CDH13: variants seen among roughly 807,000 people sequenced by gnomAD.
The protein encoded by CDH13 is cadherin 13.
CDH13 carries 24 observed loss-of-function variants against 63.8 expected under a neutral mutation model. The ratio of observed to expected loss-of-function variants is 0.38; its 90% CI spans 0.27 to 0.53. The LOEUF is 0.53. Ranked by LOEUF, CDH13 falls within the 20% of genes least tolerant of loss-of-function variation. The pLI, the probability that CDH13 is intolerant of heterozygous loss-of-function variation, is 0.85. For synonymous variants in CDH13, 503 were observed against 355.3 expected (o/e 1.42, Z -4.67); for missense variants, 1,049 against 903.1 (o/e 1.16, Z -2.07).
intron 9 of CDH13, among the ~76,000 whole-genome samples, chr16:83,671,655 C>T (rs1023299406): frequency 2.0e-5 from 3 of 152,150 alleles, no homozygotes; most frequent in African/African-American, 4.8e-5. Context: ...GTGCTCAAAA[C>T]GTGGGCTACG....
At chr16:83,380,283 G>C (rs1430410797) in intron 6 of CDH13, among the ~76,000 whole-genome samples, 2 of 152,112 alleles carry the variant, frequency 1.3e-5, no homozygotes, top group East Asian at 3.9e-4. Flanking sequence ...CAGATGGTGG[G>C]TGTGCTGATT....
In CDH13 at chr16:83,221,962, C is replaced by T. The variant is rs1237647271; in HGVS notation, c.636+4465C>T. On this transcript the variant is annotated intron_variant, in intron 5 of 13. Transcript: ENST00000567109. ...TCTTCACTGATGAATTAGATGAGGG[C>T]TAAACAGGTTCCCAAGATGTATTTT... Among the ~76,000 whole-genome samples, 5 of 152,272 alleles carry T rather than the reference C, an allele frequency of 3.3e-5. 1 individual carries two copies. The highest frequency in any genetic ancestry group is 6.8e-3 in the Middle Eastern group (2 of 294).
chr16:82,895,780 T>G (rs1839190611), intron 2 of CDH13, among the ~76,000 whole-genome samples: 1 of 151,970 alleles, frequency 6.6e-6, no homozygotes, highest in Non-Finnish European at 1.5e-5. Flanking sequence ...TGAAATAGCT[T>G]TAAGGGAGGC....
intron 1 of CDH13, among the ~76,000 whole-genome samples, chr16:82,777,174 A>AC (rs1324906970): frequency 6.6e-6 from 1 of 152,066 alleles, no homozygotes; most frequent in Non-Finnish European, 1.5e-5. Context: ...TCACTGTGTT[A>AC]CCCAGAGTGG....
chr16:82,769,704 G>C (rs1287747945), intron 1 of CDH13, among the ~76,000 whole-genome samples: 7 of 152,324 alleles, frequency 4.6e-5, no homozygotes, highest in Admixed American at 2.6e-4. Flanking sequence ...GTTTGCAAAT[G>C]ACAAATTATT....
intron 6 of CDH13, among the ~76,000 whole-genome samples, chr16:83,379,938 T>TATATAG: frequency 0.027 from 3,353 of 123,390 alleles, 57 homozygotes; most frequent in Non-Finnish European, 0.036. Context: ...TATATATATA[T>TATATAG]AGAGAGAGAG....
chr16:83,197,819 CA>C (rs2038919440), intron 4 of CDH13, among the ~76,000 whole-genome samples: 1 of 3,602 alleles, frequency 2.8e-4, no homozygotes, highest in Non-Finnish European at 5.7e-4. Context: ...CTGACACATT[CA>C]CACACACACA....
chr16:83,468,629 A>G (rs866392734), intron 6 of CDH13, among the ~76,000 whole-genome samples: 3 of 152,214 alleles, frequency 2.0e-5, no homozygotes, highest in Non-Finnish European at 2.9e-5. Flanking sequence ...AATCTTTCCT[A>G]GATAATAACT....
At chr16:83,711,832 G>T (rs1177141209) in intron 10 of CDH13, among the ~76,000 whole-genome samples, 1 of 152,186 alleles carries the variant, frequency 6.6e-6, no homozygotes, top group Non-Finnish European at 1.5e-5. Context: ...CATGTTTTTA[G>T]GTGCTTAGTA....
chr16:83,486,688 G>T, intron 7 of CDH13, 33 bp downstream of exon 7: 1 of 1,601,132 alleles, frequency 6.2e-7, no homozygotes, highest in Non-Finnish European at 8.6e-7. Flanking sequence ...TCTTTTTCAC[G>T]AGAATAGAAT....
At chr16:82,825,736 G>A (rs2038215988) in intron 1 of CDH13, 1 of 151,610 alleles carries the variant, frequency 6.6e-6, no homozygotes, top group African/African-American at 2.4e-5. Flanking sequence ...TAGTAGAGAT[G>A]GGGTTTCACC....
rs187998555 is a variant in CDH13 at position 83,071,224 on chromosome 16, A to G, written c.366+39006A>G. On this transcript the variant is annotated intron_variant, in intron 3 of 13. Transcript: ENST00000567109. ...TGTTAGAAGCCTCTACAACACAGCA[A>G]TTGTGGACTGAATGCTTCATTCAGG... 2.1e-3 allele frequency among the ~76,000 whole-genome samples: 320 copies of G among 152,276 alleles called. 1 individual carries two copies. The highest frequency in any genetic ancestry group is 7.2e-3 in the African/African-American group (298 of 41,554).
At chr16:83,232,713 G>T (rs1313287686) in intron 5 of CDH13, among the ~76,000 whole-genome samples, 1 of 152,044 alleles carries the variant, frequency 6.6e-6, no homozygotes, top group Non-Finnish European at 1.5e-5. Flanking sequence ...TTCCTATACA[G>T]CCTGCAGAAC....
At chr16:83,395,387 C>G (rs371260438) in intron 6 of CDH13, among the ~76,000 whole-genome samples, 50 of 152,132 alleles carry the variant, frequency 3.3e-4, no homozygotes, top group African/African-American at 1.1e-3. Flanking sequence ...CCGAGTTCTT[C>G]TGGGAGGTCC....
intron 1 of CDH13, among the ~76,000 whole-genome samples, chr16:82,665,403 T>C (rs543517548): frequency 6.6e-6 from 1 of 152,290 alleles, no homozygotes; most frequent in South Asian, 2.1e-4. Flanking sequence ...AACAAGGTTA[T>C]ATATTGACTA....
intron 2 of CDH13, among the ~76,000 whole-genome samples, chr16:82,884,779 C>T (rs2040824035): frequency 6.6e-6 from 1 of 152,144 alleles, no homozygotes; most frequent in African/African-American, 2.4e-5. Context: ...CAGCCTTGTC[C>T]AATTTTTGGA....
intron 6 of CDH13, among the ~76,000 whole-genome samples, chr16:83,450,305 C>G (rs1238255756): frequency 1.3e-5 from 2 of 152,184 alleles, no homozygotes; most frequent in Admixed American, 6.5e-5. Flanking sequence ...TGGAGTGCAG[C>G]TTGTTCTATG....
At chr16:83,503,122 A>C (rs2074320836) in intron 7 of CDH13, among the ~76,000 whole-genome samples, 1 of 152,220 alleles carries the variant, frequency 6.6e-6, no homozygotes, top group Non-Finnish European at 1.5e-5. Context: ...CATTGGTAAG[A>C]ATGTTCACAT....
At chr16:82,682,169 C>T (rs147441175) in intron 1 of CDH13, among the ~76,000 whole-genome samples, 5 of 152,292 alleles carry the variant, frequency 3.3e-5, no homozygotes, top group African/African-American at 9.6e-5. Flanking sequence ...ACTGCCTTCA[C>T]GCATCAGGCA....
Sources: allele counts gnomAD v4.1 joint callset (sites outside exome capture counted in the v4.1 genomes callset), GRCh38; gene constraint gnomAD v4.1.1; transcripts MANE v1.5; gene names NCBI Gene and HGNC (gene_info 2026-07-23, HGNC 2026-07-21).